Variants in MIDN observed in about 807,000 individuals in gnomAD.
The protein encoded by MIDN is midnolin.
MIDN carries 26 observed loss-of-function variants against 46.1 expected under a neutral mutation model. That is an observed-to-expected ratio of 0.56 (90% CI 0.41 to 0.78). The LOEUF is 0.78. MIDN is among the 30% of genes least tolerant of loss of function. The probability of loss-of-function intolerance (pLI) is 0.00; values close to 1 mark genes in which losing one functional copy is unlikely to be tolerated. For synonymous variants in MIDN, 432 were observed against 343.3 expected, an observed-to-expected ratio of 1.26 and a Z score of -2.86; for missense variants, 850 against 771.8, an observed-to-expected ratio of 1.10 and a Z score of -1.20.
At chr19:1,251,532 G>A (rs1309245373) in intron 2 of MIDN, 30 bp from the exon 3 acceptor site, 3 of 1,601,194 alleles carry the variant, frequency 1.9e-6, no homozygotes, top group Non-Finnish European at 2.6e-6. Context: ...CGTCTCCGCG[G>A]AGTCTCATGC....
chr19:1,255,650 C>T lies in MIDN; in HGVS notation c.1214C>T (p.Ser405Phe). The T allele has an allele frequency of 1.2e-6, 2 of 1,602,940 alleles. No individual in the cohort carries two copies. Among genetic ancestry groups the T allele is most frequent in the Non-Finnish European group, 1.7e-6 (2 of 1,178,146 alleles). Residue 405 changes from serine to phenylalanine, a missense_variant, in exon 8 of 9, where the codon TCC (serine) becomes TTC (phenylalanine). Ser to Phe is a radical substitution (Grantham distance 155, BLOSUM62 -2). Coordinates refer to ENST00000682408, the MANE Select transcript of MIDN (RefSeq NM_001388306.1). ...AAGCTCACGGCTGCCCCCTCAGCCT[C>T]CCTGCTGCAGGGCCAGAGCCAGATC... ...CEKLTAAPSA[S>F]LLQGQSQIRM...
chr19:1,257,003 C>G lies in MIDN; in HGVS notation c.1267C>G (p.Leu423Val). 1 of 1,609,898 alleles carries G rather than the reference C, an allele frequency of 6.2e-7. No individual in the cohort carries two copies. The highest frequency in any genetic ancestry group is 8.5e-7 in the Non-Finnish European group (1 of 1,179,830). Residue 423 changes from leucine (L) to valine (V), a missense_variant, in exon 9 of 9, where the codon CTT becomes GTT. By Grantham distance (32) the Leu-to-Val change is conservative. Transcript: ENST00000682408. Reference sequence around the variant, plus strand: ...CACTACCTCCTTTGCAGGGGACCGGCTTCGGCAGACAGAAAACCGCGCCAC... The same window carrying G: ...CACTACCTCCTTTGCAGGGGACCGGGTTCGGCAGACAGAAAACCGCGCCAC... ...IRMCKPPGDRLRQTENRATRC... is the reference protein window; with the variant it reads ...IRMCKPPGDRVRQTENRATRC...
chr19:1,251,969 G>A, intron 4 of MIDN, 68 bp downstream of exon 4: 1 of 1,376,564 alleles, frequency 7.3e-7, no homozygotes, highest in South Asian at 1.2e-5. Flanking sequence ...CACCGACGGG[G>A]CCTGGGGGTT....
At position 1,254,893 on chromosome 19, in the gene MIDN, T is replaced by C; in HGVS notation, c.826-9T>C. 6.3e-7 allele frequency: 1 copy of C among 1,595,744 alleles called. No homozygotes were observed. The highest frequency in any genetic ancestry group is 8.5e-7 in the Non-Finnish European group (1 of 1,169,924). ...GACCCCGTGCTCATGTGCCCCTTCC[T>C]CCCATCAGCAGATGGACTGCTCCCC... On this transcript the variant is annotated splice_polypyrimidine_tract_variant and intron_variant, in intron 6 of 8. Coordinates refer to ENST00000682408, the MANE Select transcript of MIDN (RefSeq NM_001388306.1).
rs753475621 is a variant in MIDN at position 1,255,040 on chromosome 19, G to A, written c.964G>A (p.Val322Ile). Residue 322 changes from valine (V) to isoleucine (I), a missense_variant, in exon 7 of 9, where the codon GTC (valine) becomes ATC (isoleucine). Coordinates refer to ENST00000682408, the MANE Select transcript of MIDN (RefSeq NM_001388306.1). Reference sequence around the variant, plus strand: ...GAGCTTTGTGAATCACGCCCCGGGGGTCTTCTCAGGGACCTTCTCTGGTAG... The same window carrying A: ...GAGCTTTGTGAATCACGCCCCGGGGATCTTCTCAGGGACCTTCTCTGGTAG... ...IESFVNHAPG[V>I]FSGTFSGTLH... 1.2e-5 allele frequency: 19 copies of A among 1,612,906 alleles called. No homozygotes were observed. The East Asian group carries it at 3.6e-4, about 30-fold the overall frequency.
intron 7 of MIDN, 132 bp from the exon 8 acceptor site, chr19:1,255,290 G>A (rs757694392): frequency 1.5e-5 from 19 of 1,266,718 alleles, no homozygotes; most frequent in South Asian, 7.5e-5. Flanking sequence ...CTCCCGCCCC[G>A]TGGTCCCTCG....
Position 1,254,343 on chromosome 19 carries a change from C to T in MIDN, c.690C>T (p.Pro230=), listed in dbSNP as rs575435876. 2.3e-5 allele frequency: 36 copies of T among 1,565,718 alleles called. No homozygotes were observed. Among genetic ancestry groups the T allele is most frequent in the Non-Finnish European group, 2.6e-5 (30 of 1,162,786 alleles). Residue 230 remains proline, a synonymous_variant, in exon 6 of 9, where the codon CCC becomes CCT. Transcript: ENST00000682408. ...AARGDPSIAS[P]VSSPCRPVSS... ...GGGGGGACCCCAGCATAGCCTCCCC[C>T]GTGTCCTCGCCCTGCCGGCCGGTGT...
chr19:1,253,212 GTCT>G (rs1254825446), intron 4 of MIDN, among the ~76,000 whole-genome samples: 1 of 151,546 alleles, frequency 6.6e-6, no homozygotes, highest in Non-Finnish European at 1.5e-5. Flanking sequence ...TGCAAAGGCT[GTCT>G]TGGGGCAGGG....
chr19:1,257,539 G>A lies in MIDN; in HGVS notation c.*267G>A, dbSNP rs866187056. On this transcript the variant is annotated 3_prime_UTR_variant, in exon 9 of 9. Transcript: ENST00000682408. Reference sequence around the variant, plus strand: ...CTCTTCCTCCTCCTCCTCCTCCTCCGTCTGTCTCCTTTCACCTCTGCGCCA... The same window carrying A: ...CTCTTCCTCCTCCTCCTCCTCCTCCATCTGTCTCCTTTCACCTCTGCGCCA... The A allele has an allele frequency of 9.1e-5, 22 of 242,294 alleles. No homozygotes were observed. The South Asian group carries it at 1.3e-3, about 14-fold the overall frequency. The allele number at this position is 242,294 out of a possible 1,614,324, so 15.0% of individuals were successfully genotyped here. A position where few individuals can be genotyped will look rare whatever the true frequency, so the allele number is the denominator to read the frequency against.
At chr19:1,256,376 G>A (rs113576902) in intron 8 of MIDN, among the ~76,000 whole-genome samples, 6,441 of 151,976 alleles carry the variant, frequency 0.042, 457 homozygotes, top group African/African-American at 0.15. Context: ...CCAGCTACTC[G>A]GGAGGCTGAG....
At chr19:1,255,106 C>T (rs2081182257) in intron 7 of MIDN, 45 bp downstream of exon 7, 8 of 1,584,148 alleles carry the variant, frequency 5.1e-6, no homozygotes, top group African/African-American at 1.3e-5. Context: ...GTCCCGTGAC[C>T]CTGTGCATTT....
At position 1,251,987 on chromosome 19, in the gene MIDN, C is replaced by T; in HGVS notation, c.384+86C>T. 3.3e-6 allele frequency: 4 copies of T among 1,211,486 alleles called. No homozygotes were observed. In the South Asian group the frequency reaches 3.8e-5, roughly 12 times the overall value. The allele number at this position is 1,211,486 out of a possible 1,614,324, so 75.0% of individuals were successfully genotyped here. A position where few individuals can be genotyped will look rare whatever the true frequency, so the allele number is the denominator to read the frequency against. On this transcript the variant is annotated intron_variant, in intron 4 of 8. Transcript: ENST00000682408. ...CGACGGGGCCTGGGGGTTGTCTGTG[C>T]TCCCAGGAGGCTGGGGGAGGGGAGG...
At chr19:1,253,897 C>T (rs566663307) in intron 4 of MIDN, 57 bp from the exon 5 acceptor site, 271 of 1,346,170 alleles carry the variant, frequency 2.0e-4, no homozygotes, top group Non-Finnish European at 2.4e-4. Flanking sequence ...CTTGCAAGAC[C>T]GACCTAGTTG....
At chr19:1,254,136 G>A (rs763172447) in intron 5 of MIDN, 31 bp from the exon 6 acceptor site, 2 of 1,576,596 alleles carry the variant, frequency 1.3e-6, no homozygotes, top group Non-Finnish European at 1.7e-6. Flanking sequence ...GCAAGCTGGG[G>A]CTCCCAGCTG....
chr19:1,250,837 C>T (rs972437347), intron 2 of MIDN, among the ~76,000 whole-genome samples: 1 of 152,036 alleles, frequency 6.6e-6, no homozygotes, highest in Admixed American at 6.5e-5. Context: ...CGCCCCCTCC[C>T]GCCTGCGTCC....
intron 4 of MIDN, 136 bp from the exon 5 acceptor site, chr19:1,253,818 G>C: frequency 1.6e-6 from 1 of 628,826 alleles, no homozygotes; most frequent in Non-Finnish European, 2.3e-6. Flanking sequence ...GTGGGGGAAA[G>C]GCAAAGTGAA....
Position 1,255,600 on chromosome 19 carries a change from G to A in MIDN, c.1164G>A (p.Leu388=). Residue 388 remains leucine, a synonymous_variant, in exon 8 of 9, where the codon CTG becomes CTA. Coordinates refer to ENST00000682408, the MANE Select transcript of MIDN (RefSeq NM_001388306.1). ...CCCCGGCCTCACCGGCCCCCGACCTGGCCCCCAGAACTACCTCCTGCGAGA... is the reference window on the plus strand; with the variant it reads ...CCCCGGCCTCACCGGCCCCCGACCTAGCCCCCAGAACTACCTCCTGCGAGA... The part of the protein sequence containing the change: ...QCSPASPAPD[L]APRTTSCEKL... 6 of 1,609,954 alleles carry A rather than the reference G, an allele frequency of 3.7e-6. No individual in the cohort carries two copies. Among genetic ancestry groups the A allele is most frequent in the Non-Finnish European group, 5.1e-6 (6 of 1,179,258 alleles).
rs769651168 is a variant in MIDN, at chr19:1,256,990, TGC to T, written c.1259-4_1259-3del. On this transcript the variant is annotated splice_polypyrimidine_tract_variant and splice_region_variant and intron_variant, in intron 8 of 8. Coordinates refer to ENST00000682408, the MANE Select transcript of MIDN (RefSeq NM_001388306.1). ...GGGAGTCACAGGCCACTACCTCCTT[TGC>T]AGGGGACCGGCTTCGGCAGACAGAA... The T allele has an allele frequency of 1.9e-6, 3 of 1,607,802 alleles. No individual in the cohort carries two copies.
chr19:1,255,475 G>T lies in MIDN; in HGVS notation c.1039G>T (p.Gly347Cys). ...CAGCGGGCGGCCGCGGCGTGACATC[G>T]GCACCATCCTGCAGATCCTGAACGA... is the stretch of plus-strand genomic sequence containing the variant. ...DSSGRPRRDI[G>C]TILQILNDLL... The change falls in exon 8 of 9, where the codon GGC (glycine) becomes TGC (cysteine). Residue 347 changes from glycine (G) to cysteine (C), a missense_variant. Transcript: ENST00000682408. 6.2e-7 allele frequency: 1 copy of T among 1,609,500 alleles called. No homozygotes were observed. The highest frequency in any genetic ancestry group is 8.5e-7 in the Non-Finnish European group (1 of 1,178,594).
Sources: allele counts gnomAD v4.1 joint callset (sites outside exome capture counted in the v4.1 genomes callset), GRCh38; gene constraint gnomAD v4.1.1; transcripts MANE v1.5; gene names NCBI Gene and HGNC (gene_info 2026-07-23, HGNC 2026-07-21).